The following SULF1 variants were observed in gnomAD, a reference collection of about 807,000 sequenced individuals.
SULF1 encodes the protein extracellular sulfatase Sulf-1.
SULF1 carries 46 observed loss-of-function variants against 110.5 expected under a neutral mutation model. That is an observed-to-expected ratio of 0.42 (90% confidence interval 0.33 to 0.53). The LOEUF is 0.53. Among genes scored for constraint, SULF1 ranks in the 20% least tolerant of loss-of-function variants. SULF1 has a pLI of 0.12. For synonymous variants in SULF1, 371 were observed against 387.1 expected, an observed-to-expected ratio of 0.96 and a Z score of 0.49; for missense variants, 941 against 1,094.2, an observed-to-expected ratio of 0.86 and a Z score of 1.98.
Position 69,624,069 on chromosome 8 carries a change from T to C in SULF1, c.1722T>C (p.Ala574=). The C allele has an allele frequency of 6.2e-7, 1 of 1,614,164 alleles. No homozygotes were observed. The highest frequency in any genetic ancestry group is 8.5e-7 in the Non-Finnish European group (1 of 1,180,034). Residue 574 remains alanine, a synonymous_variant, in exon 15 of 23, where the codon GCT becomes GCC. Coordinates refer to ENST00000402687, the MANE Select transcript of SULF1 (RefSeq NM_001128205.2). ...ELQVLQPRNI[A]KRHDEGHKGP... ...AAGTGTTGCAACCAAGAAACATTGC[T>C]AAGCGTCATGATGAAGGCCACAAGG...
chr8:69,545,369 G>T (rs1352634699), intron 3 of SULF1, among the ~76,000 whole-genome samples: 1 of 152,088 alleles, frequency 6.6e-6, no homozygotes, highest in Non-Finnish European at 1.5e-5. Flanking sequence ...AAACAGTAGG[G>T]TTAGTTAGGA....
intron 7 of SULF1, among the ~76,000 whole-genome samples, chr8:69,587,822 C>T (rs556292090): frequency 1.3e-5 from 2 of 152,162 alleles, no homozygotes; most frequent in Admixed American, 1.3e-4. Flanking sequence ...ACTAAATCAG[C>T]GTAACTTGTT....
At chr8:69,500,472 G>T (rs1352637765) in intron 2 of SULF1, among the ~76,000 whole-genome samples, 1 of 152,172 alleles carries the variant, frequency 6.6e-6, no homozygotes, top group East Asian at 1.9e-4. Flanking sequence ...TCTCAGAAAA[G>T]GTATTCTTTG....
At chr8:69,648,490 G>A (rs962880740) in intron 22 of SULF1, among the ~76,000 whole-genome samples, 17 of 152,324 alleles carry the variant, frequency 1.1e-4, no homozygotes, top group African/African-American at 3.8e-4. Flanking sequence ...CCAGGGGAAC[G>A]GCCAGAGAGG....
chr8:69,564,974 C>A (rs750260681), intron 5 of SULF1, among the ~76,000 whole-genome samples: 1 of 152,226 alleles, frequency 6.6e-6, no homozygotes, highest in East Asian at 1.9e-4. Flanking sequence ...TCACATTCAA[C>A]CTGACTGGTA....
Position 69,496,717 on chromosome 8 carries a change from G to A in SULF1, c.-229+791G>A, listed in dbSNP as rs2150563797. ...AAGCCATTTAAACTTGGCTTCATAA[G>A]CAAGTACTACACCCTCACAATCTTT... is the stretch of plus-strand genomic sequence containing the variant. On this transcript the variant is annotated intron_variant, in intron 2 of 22. Transcript: ENST00000402687. 1.3e-5 allele frequency among the ~76,000 whole-genome samples: 2 copies of A among 152,306 alleles called. 1 individual carries two copies. Among genetic ancestry groups the A allele is most frequent in the South Asian group, 4.1e-4 (2 of 4,822 alleles).
chr8:69,563,551 A>C lies in SULF1; in HGVS notation c.-121A>C, dbSNP rs917820997. ...CTCCCCCTTCCAGGACCCTATCTGC[A>C]GATGTTCTGAATACCTCTGAGAATA... On this transcript the variant is annotated 5_prime_UTR_variant, in exon 4 of 23. Transcript: ENST00000402687. The C allele has an allele frequency of 6.2e-6, 1 of 161,640 alleles. No individual in the cohort carries two copies. Among genetic ancestry groups the C allele is most frequent in the Non-Finnish European group, 1.4e-5 (1 of 73,682 alleles). The allele number at this position is 161,640 out of a possible 1,614,324, so 10.0% of individuals were successfully genotyped here. A position where few individuals can be genotyped will look rare whatever the true frequency, so the allele number is the denominator to read the frequency against.
At chr8:69,468,238 T>G (rs112931877) in intron 1 of SULF1, among the ~76,000 whole-genome samples, 2 of 152,176 alleles carry the variant, frequency 1.3e-5, no homozygotes, top group Non-Finnish European at 2.9e-5. Flanking sequence ...CTATGAATAA[T>G]ATTGTATATA....
At chr8:69,515,533 G>A (rs1811870300) in intron 3 of SULF1, among the ~76,000 whole-genome samples, 1 of 152,134 alleles carries the variant, frequency 6.6e-6, no homozygotes, top group South Asian at 2.1e-4. Flanking sequence ...TGCCCTGGAG[G>A]CATTTTCCCC....
At chr8:69,644,147 A>G (rs1189913680) in intron 22 of SULF1, among the ~76,000 whole-genome samples, 1 of 151,908 alleles carries the variant, frequency 6.6e-6, no homozygotes, top group Non-Finnish European at 1.5e-5. Context: ...ACTGATTTTG[A>G]CTCATCTCCC....
chr8:69,525,908 G>A (rs1812629954), intron 3 of SULF1, among the ~76,000 whole-genome samples: 1 of 152,168 alleles, frequency 6.6e-6, no homozygotes, highest in Admixed American at 6.5e-5. Flanking sequence ...TTTAGAGGTT[G>A]TTGGAGGAGG....
chr8:69,535,437 A>G (rs542410680), intron 3 of SULF1, among the ~76,000 whole-genome samples: 5 of 152,294 alleles, frequency 3.3e-5, no homozygotes, highest in African/African-American at 9.6e-5. Context: ...AGTGTGCTCT[A>G]TGGGAGAGAG....
intron 6 of SULF1, among the ~76,000 whole-genome samples, chr8:69,579,003 T>A (rs941943891): frequency 6.6e-6 from 1 of 150,558 alleles, no homozygotes; most frequent in Non-Finnish European, 1.5e-5. Flanking sequence ...CTACTAAAAA[T>A]AGAAAAAATT....
At chr8:69,591,424 C>T (rs1030224222) in intron 8 of SULF1, among the ~76,000 whole-genome samples, 3 of 151,710 alleles carry the variant, frequency 2.0e-5, no homozygotes, top group Non-Finnish European at 2.9e-5. Flanking sequence ...ATTAGCCAGG[C>T]GTGGTGGTGG....
chr8:69,652,568 A>G (rs192705223), intron 22 of SULF1, among the ~76,000 whole-genome samples: 3 of 152,246 alleles, frequency 2.0e-5, no homozygotes, highest in East Asian at 1.9e-4. Flanking sequence ...TAAGCTTTCT[A>G]TCTATATTGG....
intron 22 of SULF1, among the ~76,000 whole-genome samples, chr8:69,656,349 G>T (rs564716829): frequency 5.3e-5 from 8 of 152,288 alleles, no homozygotes; most frequent in African/African-American, 1.9e-4. Context: ...GGATACATGT[G>T]CAGGATGCGC....
chr8:69,593,910 A>G (rs770790264), intron 8 of SULF1, among the ~76,000 whole-genome samples: 5 of 152,222 alleles, frequency 3.3e-5, no homozygotes, highest in Non-Finnish European at 5.9e-5. Flanking sequence ...TGATGTCATC[A>G]TATACACCTG....
chr8:69,651,889 G>A (rs551162792), intron 22 of SULF1, among the ~76,000 whole-genome samples: 13 of 152,060 alleles, frequency 8.5e-5, no homozygotes, highest in South Asian at 2.1e-4. Flanking sequence ...TTACCACTGT[G>A]CCTTTAAAAC....
At chr8:69,515,484 G>T (rs1811867658) in intron 3 of SULF1, among the ~76,000 whole-genome samples, 1 of 152,196 alleles carries the variant, frequency 6.6e-6, no homozygotes, top group South Asian at 2.1e-4. Context: ...TAGGTCTCCA[G>T]GCCTGTGATT....
Sources: gnomAD v4.1 joint callset for allele counts (sites outside exome capture counted in the v4.1 genomes callset) on GRCh38, gnomAD v4.1.1 for gene constraint, MANE v1.5 for transcripts, NCBI Gene and HGNC (gene_info 2026-07-23, HGNC 2026-07-21) for gene names.